Variants in CDH12 observed in about 807,000 individuals in gnomAD.
CDH12 encodes the protein cadherin-12.
A neutral mutation model predicts 74.1 loss-of-function variants in CDH12; 41 were observed. The ratio of observed to expected loss-of-function variants is 0.55; its 90% confidence interval spans 0.43 to 0.72. The LOEUF is 0.72. Among genes scored for constraint, CDH12 ranks in the 30% least tolerant of loss-of-function variants. The pLI, the probability that CDH12 is intolerant of heterozygous loss-of-function variation, is 0.00. For missense variants in CDH12, 945 were observed against 977.2 expected (o/e 0.97, Z 0.44); for synonymous variants, 399 against 355.0 (o/e 1.12, Z -1.39).
At chr5:22,683,543 C>A (rs1365233508) in intron 1 of CDH12, among the ~76,000 whole-genome samples, 2 of 152,152 alleles carry the variant, frequency 1.3e-5, no homozygotes, top group Non-Finnish European at 2.9e-5. Flanking sequence ...ACTGCAGTGT[C>A]ATCAAACCCA....
At chr5:21,973,789 G>T (rs893498748) in intron 6 of CDH12, among the ~76,000 whole-genome samples, 3 of 152,080 alleles carry the variant, frequency 2.0e-5, no homozygotes, top group Admixed American at 1.3e-4. Flanking sequence ...TCAAGACACC[G>T]TTAAAATGTA....
chr5:22,349,353 A>G (rs950563509), intron 3 of CDH12, among the ~76,000 whole-genome samples: 1 of 152,204 alleles, frequency 6.6e-6, no homozygotes, highest in Non-Finnish European at 1.5e-5. Flanking sequence ...ATAATGATAC[A>G]AAGCAGATTA....
At chr5:22,606,011 C>A (rs1048657238) in intron 1 of CDH12, among the ~76,000 whole-genome samples, 1 of 152,200 alleles carries the variant, frequency 6.6e-6, no homozygotes, top group African/African-American at 2.4e-5. Context: ...GCATTTCCAG[C>A]TCAAAAACCA....
chr5:22,117,488 AT>A lies in CDH12; in HGVS notation c.-186-38627del, dbSNP rs1359704382. Among the ~76,000 whole-genome samples the A allele has an allele frequency of 3.3e-3, 157 of 47,032 alleles. 2 individuals carry two copies. The highest frequency in any genetic ancestry group is 9.8e-3 in the African/African-American group (117 of 11,908). The allele number at this position is 47,032 out of a possible 152,430, so 30.9% of individuals were successfully genotyped here. ...TATATAATATATATATTATATATAT[AT>A]TATATATATATAATATATATATAAT... On this transcript the variant is annotated intron_variant, in intron 4 of 14. Coordinates refer to ENST00000382254, the MANE Select transcript of CDH12 (RefSeq NM_004061.5).
At chr5:22,739,830 T>C (rs1420559221) in intron 1 of CDH12, among the ~76,000 whole-genome samples, 1 of 152,094 alleles carries the variant, frequency 6.6e-6, no homozygotes, top group Non-Finnish European at 1.5e-5. Flanking sequence ...ACCCTTAGAA[T>C]CTAAACCTGA....
chr5:22,808,813 T>G (rs1239525994), intron 1 of CDH12, among the ~76,000 whole-genome samples: 1 of 137,868 alleles, frequency 7.3e-6, no homozygotes, highest in African/African-American at 2.7e-5. Flanking sequence ...TTCACCATGT[T>G]GGCCAGGATG....
intron 10 of CDH12, among the ~76,000 whole-genome samples, chr5:21,789,694 A>G (rs1746387238): frequency 1.3e-5 from 2 of 152,050 alleles, no homozygotes; most frequent in Non-Finnish European, 2.9e-5. Flanking sequence ...CTTTACTTCC[A>G]TCTTTGAAAA....
chr5:22,438,514 C>T (rs1744497056), intron 2 of CDH12, among the ~76,000 whole-genome samples: 1 of 152,008 alleles, frequency 6.6e-6, no homozygotes, highest in South Asian at 2.1e-4. Context: ...ACTTTTTTCT[C>T]TAGACTTACA....
At chr5:22,665,537 C>T (rs923505692) in intron 1 of CDH12, among the ~76,000 whole-genome samples, 6 of 152,168 alleles carry the variant, frequency 3.9e-5, no homozygotes, top group African/African-American at 1.4e-4. Context: ...CCACTTATTA[C>T]AGAATCATTC....
intron 1 of CDH12, among the ~76,000 whole-genome samples, chr5:22,603,371 C>T (rs1736940381): frequency 6.6e-6 from 1 of 152,154 alleles, no homozygotes; most frequent in African/African-American, 2.4e-5. Flanking sequence ...ACCAATACAA[C>T]ATCCAAGTAA....
intron 1 of CDH12, among the ~76,000 whole-genome samples, chr5:22,713,675 T>C (rs1456248122): frequency 6.6e-6 from 1 of 152,104 alleles, no homozygotes. Flanking sequence ...GGTAGATAGA[T>C]ACATAGATAC....
chr5:22,415,733 T>C (rs1016985175), intron 2 of CDH12, among the ~76,000 whole-genome samples: 1 of 152,182 alleles, frequency 6.6e-6, no homozygotes, highest in African/African-American at 2.4e-5. Context: ...TACACAAATG[T>C]TATATTATGT....
chr5:21,954,091 AG>A (rs1423936223), intron 6 of CDH12, among the ~76,000 whole-genome samples: 2 of 152,040 alleles, frequency 1.3e-5, no homozygotes. Flanking sequence ...TGATTTAATC[AG>A]AATATATAAT....
intron 1 of CDH12, among the ~76,000 whole-genome samples, chr5:22,752,500 T>C (rs1745629337): frequency 6.7e-6 from 1 of 148,918 alleles, no homozygotes; most frequent in Non-Finnish European, 1.5e-5. Context: ...GCTCTTTGTG[T>C]TAGGTTCTGG....
chr5:22,580,764 C>T, intron 1 of CDH12: 1 of 275,906 alleles, frequency 3.6e-6, no homozygotes. Context: ...TATTGGATAG[C>T]ATCCTCTCCA....
chr5:22,481,207 G>A (rs1746370601), intron 2 of CDH12, among the ~76,000 whole-genome samples: 1 of 152,176 alleles, frequency 6.6e-6, no homozygotes, highest in Non-Finnish European at 1.5e-5. Context: ...AACAAGTGTT[G>A]GCAAAGATCT....
chr5:22,483,232 G>A (rs776396058), intron 2 of CDH12, among the ~76,000 whole-genome samples: 7 of 152,082 alleles, frequency 4.6e-5, no homozygotes, highest in Non-Finnish European at 1.0e-4. Context: ...TGCAGGAAAG[G>A]TTGAACAAAA....
chr5:21,832,385 G>A (rs1485227087), intron 8 of CDH12, among the ~76,000 whole-genome samples: 1 of 151,928 alleles, frequency 6.6e-6, no homozygotes, highest in Non-Finnish European at 1.5e-5. Context: ...GCCTACATCA[G>A]CCTATATAGA....
chr5:21,763,278 A>G (rs1370260890), intron 12 of CDH12, among the ~76,000 whole-genome samples: 1 of 152,176 alleles, frequency 6.6e-6, no homozygotes, highest in Non-Finnish European at 1.5e-5. Context: ...CCAAAATTAT[A>G]TCTGCTCACC....
Sources: gnomAD v4.1 joint callset for allele counts (sites outside exome capture counted in the v4.1 genomes callset) on GRCh38, gnomAD v4.1.1 for gene constraint, MANE v1.5 for transcripts, NCBI Gene and HGNC (gene_info 2026-07-23, HGNC 2026-07-21) for gene names.